The following PATJ variants were observed in gnomAD, a reference collection of about 807,000 sequenced individuals.
PATJ encodes inaD-like protein.
In PATJ, 190 loss-of-function variants were observed where a neutral mutation model predicts 224.9. The observed-to-expected ratio is 0.84, with a 90% CI of 0.75 to 0.95. The LOEUF (loss-of-function observed/expected upper bound fraction) is 0.95, where lower values mean the gene tolerates loss of function less well. PATJ is among the 40% of genes least tolerant of loss of function. The pLI is 0.00. For missense variants in PATJ, 2,121 were observed against 2,270.3 expected, an observed-to-expected ratio of 0.93 and a Z score of 1.34; for synonymous variants, 769 against 820.3, an observed-to-expected ratio of 0.94 and a Z score of 1.07.
chr1:61,801,296 A>C (rs1164601368), intron 11 of PATJ, among the ~76,000 whole-genome samples: 1 of 152,014 alleles, frequency 6.6e-6, no homozygotes, highest in Non-Finnish European at 1.5e-5. Context: ...ATGGTATCTC[A>C]TTGTGGTTTT....
intron 9 of PATJ, among the ~76,000 whole-genome samples, chr1:61,792,884 G>A (rs928996758): frequency 1.3e-5 from 2 of 152,082 alleles, no homozygotes; most frequent in Non-Finnish European, 2.9e-5. Context: ...AGGGGTGGCA[G>A]GGAGCACATA....
chr1:62,114,170 G>A lies in PATJ; in HGVS notation c.4579G>A (p.Glu1527Lys). Residue 1527 changes from glutamate to lysine, a missense_variant, in exon 35 of 44, where the codon GAG becomes AAG. Coordinates refer to ENST00000642238, the MANE Select transcript of PATJ (RefSeq NM_001350145.3). ...AGATGAGGCACACTACCGGGATGAGGAGAACTTGGAGATTTTCCCTGTGGA... is the reference window on the plus strand; with the variant it reads ...AGATGAGGCACACTACCGGGATGAGAAGAACTTGGAGATTTTCCCTGTGGA... ...YRDEAHYRDE[E>K]NLEIFPVDLQ... is the part of the protein sequence containing the mutation. 1 of 1,613,736 alleles carries A rather than the reference G, an allele frequency of 6.2e-7. No individual in the cohort carries two copies. Among genetic ancestry groups the A allele is most frequent in the Non-Finnish European group, 8.5e-7 (1 of 1,179,974 alleles).
chr1:62,150,466 G>A (rs572377672), intron 42 of PATJ, among the ~76,000 whole-genome samples: 1 of 152,216 alleles, frequency 6.6e-6, no homozygotes, highest in Non-Finnish European at 1.5e-5. Context: ...ACTCAGTTAA[G>A]GAGTGTAGTT....
chr1:62,156,053 G>GTA (rs1220447490), intron 43 of PATJ, among the ~76,000 whole-genome samples: 1,737 of 18,954 alleles, frequency 0.092, 42 homozygotes, highest in African/African-American at 0.17. Flanking sequence ...GCAAGACTCT[G>GTA]TAAAAAAAAA....
At chr1:62,023,798 TG>T (rs2148425624) in intron 29 of PATJ, among the ~76,000 whole-genome samples, 1 of 152,370 alleles carries the variant, frequency 6.6e-6, no homozygotes, top group East Asian at 1.9e-4. Flanking sequence ...TCAATCATTT[TG>T]AATTCTGTAA....
chr1:61,907,189 T>C (rs1483009871), intron 24 of PATJ, among the ~76,000 whole-genome samples: 1 of 152,186 alleles, frequency 6.6e-6, no homozygotes, highest in Non-Finnish European at 1.5e-5. Context: ...CCTCTTTCCT[T>C]TATAAATTAC....
chr1:61,779,813 T>C (rs930835797), intron 7 of PATJ, among the ~76,000 whole-genome samples: 2 of 152,110 alleles, frequency 1.3e-5, no homozygotes, highest in South Asian at 2.1e-4. Flanking sequence ...GGCTGGAAAA[T>C]TGGGCATCTG....
intron 28 of PATJ, among the ~76,000 whole-genome samples, chr1:61,998,351 T>C (rs1645543577): frequency 6.6e-6 from 1 of 151,900 alleles, no homozygotes; most frequent in African/African-American, 2.4e-5. Context: ...CCCAAAGTGC[T>C]GGGATTACAG....
chr1:61,879,163 A>G (rs1667754778), intron 21 of PATJ, among the ~76,000 whole-genome samples: 1 of 152,228 alleles, frequency 6.6e-6, no homozygotes, highest in African/African-American at 2.4e-5. Flanking sequence ...TTGGCTGATA[A>G]TTTATAATGA....
At position 62,053,249 on chromosome 1, in the gene PATJ, G is replaced by A. The variant is rs538166592; in HGVS notation, c.4125+2191G>A. 9.2e-5 allele frequency among the ~76,000 whole-genome samples: 14 copies of A among 152,276 alleles called. No homozygotes were observed. The South Asian group carries it at 1.0e-3, about 11-fold the overall frequency. The stretch of plus-strand genomic sequence containing the variant: ...GGCTTTCCCATACCCATTGACTAGT[G>A]TCTGTCTTTTTCCACTCTGTTCCCT... On this transcript the variant is annotated intron_variant, in intron 31 of 43. Transcript: ENST00000642238.
chr1:62,040,052 G>T (rs1040378885), intron 30 of PATJ, among the ~76,000 whole-genome samples: 2 of 151,786 alleles, frequency 1.3e-5, no homozygotes, highest in African/African-American at 4.8e-5. Flanking sequence ...TGCTCTCTAG[G>T]GAGCATCTGG....
At chr1:62,148,120 T>TAAAAAAAAAAAAAAAAAAAAAAA (rs1558235712) in intron 41 of PATJ, among the ~76,000 whole-genome samples, 164 bp from the exon 42 acceptor site, 1 of 108,498 alleles carries the variant, frequency 9.2e-6, no homozygotes, top group Non-Finnish European at 1.9e-5. Flanking sequence ...GACACTGTCT[T>TAAAAAAAAAAAAAAAAAAAAAAA]TAAAAAAAAA....
At chr1:62,050,163 C>T (rs1400933402) in intron 30 of PATJ, among the ~76,000 whole-genome samples, 3 of 144,254 alleles carry the variant, frequency 2.1e-5, no homozygotes, top group Non-Finnish European at 3.1e-5. Context: ...TTTAAAGAAA[C>T]ATTTTTTATT....
chr1:62,095,058 A>G (rs1323974637), intron 33 of PATJ, among the ~76,000 whole-genome samples: 3 of 152,166 alleles, frequency 2.0e-5, no homozygotes, highest in Non-Finnish European at 4.4e-5. Flanking sequence ...AACAGAAACA[A>G]TTATCTGTTC....
chr1:62,078,094 C>T lies in PATJ; in HGVS notation c.4126-1356C>T, dbSNP rs145502495. On this transcript the variant is annotated intron_variant, in intron 31 of 43. Coordinates refer to ENST00000642238, the MANE Select transcript of PATJ (RefSeq NM_001350145.3). ...ATCTTGAGGTGTTACAGTTCTGGAGCAGTTACCTTGGTCCTATTTCTAGAC... is the reference window on the plus strand; with the variant it reads ...ATCTTGAGGTGTTACAGTTCTGGAGTAGTTACCTTGGTCCTATTTCTAGAC... 4.7e-4 allele frequency among the ~76,000 whole-genome samples: 72 copies of T among 152,302 alleles called. 1 individual carries two copies. The highest frequency in any genetic ancestry group is 1.5e-3 in the African/African-American group (63 of 41,564).
chr1:61,926,481 A>C (rs1450458588), intron 26 of PATJ, among the ~76,000 whole-genome samples: 1 of 152,136 alleles, frequency 6.6e-6, no homozygotes, highest in African/African-American at 2.4e-5. Flanking sequence ...TTGATATAGA[A>C]TATCCTGGTT....
chr1:61,777,724 T>A (rs10889255), intron 7 of PATJ, among the ~76,000 whole-genome samples: 10 of 106,034 alleles, frequency 9.4e-5, no homozygotes, highest in South Asian at 9.2e-4. Flanking sequence ...TTTTTTTTTT[T>A]TTTAGCATAG....
At chr1:61,870,697 A>T (rs896146855) in intron 20 of PATJ, among the ~76,000 whole-genome samples, 2 of 152,184 alleles carry the variant, frequency 1.3e-5, no homozygotes, top group Non-Finnish European at 2.9e-5. Context: ...TTGGTATATA[A>T]ATATCTGTTG....
At position 62,107,305 on chromosome 1, in the gene PATJ, C is replaced by CA. The variant is rs57079068; in HGVS notation, c.4378-1119dup. ...TGGGCGACAGAGTGAGAGTCCATCT[C>CA]AAAAAAAAAAAAAGGAGAAGCTGTG... On this transcript the variant is annotated intron_variant, in intron 33 of 43. Coordinates refer to ENST00000642238, the MANE Select transcript of PATJ (RefSeq NM_001350145.3). 4.8e-3 allele frequency among the ~76,000 whole-genome samples: 615 copies of CA among 129,244 alleles called. 2 individuals are homozygous for CA. Among genetic ancestry groups the CA allele is most frequent in the Middle Eastern group, 8.1e-3 (2 of 248 alleles). 84.8% of individuals were successfully genotyped at this position (129,244 alleles called of 152,430 possible). A position where few individuals can be genotyped will look rare whatever the true frequency, so the allele number is the denominator to read the frequency against.
Sources: gnomAD v4.1 joint callset for allele counts (sites outside exome capture counted in the v4.1 genomes callset) on GRCh38, gnomAD v4.1.1 for gene constraint, MANE v1.5 for transcripts, NCBI Gene and HGNC (gene_info 2026-07-23, HGNC 2026-07-21) for gene names.